Variants in LRRC27 observed in about 807,000 individuals in gnomAD.
LRRC27 encodes the protein leucine rich repeat containing 27, also known as leucine-rich repeat-containing protein 27.
A neutral mutation model predicts 55.0 loss-of-function variants in LRRC27; 57 were observed. The ratio of observed to expected loss-of-function variants is 1.04; its 90% CI spans 0.84 to 1.29. The LOEUF (loss-of-function observed/expected upper bound fraction) is 1.29. LRRC27 is among the 50% of genes most tolerant of loss of function. The probability of loss-of-function intolerance (pLI) is 0.00; values close to 1 mark genes in which losing one functional copy is unlikely to be tolerated. For synonymous variants in LRRC27, 278 were observed against 251.9 expected (o/e 1.10, Z -0.98); for missense variants, 721 against 651.5 (o/e 1.11, Z -1.16).
At chr10:132,360,860 G>C (rs2068581693) in intron 8 of LRRC27, among the ~76,000 whole-genome samples, 1 of 152,180 alleles carries the variant, frequency 6.6e-6, no homozygotes, top group African/African-American at 2.4e-5. Flanking sequence ...ACAGTCCCCG[G>C]GAACACACTG....
intron 1 of LRRC27, among the ~76,000 whole-genome samples, chr10:132,333,024 G>T (rs1193174229): frequency 6.6e-6 from 1 of 152,112 alleles, no homozygotes; most frequent in Non-Finnish European, 1.5e-5. Flanking sequence ...CTGGTCACTG[G>T]GTCAAAATGG....
rs1456483671 is a variant in LRRC27, at chr10:132,376,362, A to C, written c.*1120A>C. 6.6e-6 allele frequency: 1 copy of C among 152,244 alleles called. No homozygotes were observed. The highest frequency in any genetic ancestry group is 1.5e-5 in the Non-Finnish European group (1 of 68,054). 9.4% of individuals were successfully genotyped at this position (152,244 alleles called of 1,614,324 possible). ...AGAGAAATGCATCACTTCCAAACCCATGTATTAGAGAAGAAGGGCGTGAAA... is the reference window on the plus strand; with the variant it reads ...AGAGAAATGCATCACTTCCAAACCCCTGTATTAGAGAAGAAGGGCGTGAAA... On this transcript the variant is annotated 3_prime_UTR_variant, in exon 11 of 11. Transcript: ENST00000368614.
rs1239879420 is a variant in LRRC27 at position 132,377,717 on chromosome 10, A to T, written c.*2475A>T. 1.3e-5 allele frequency: 2 copies of T among 151,984 alleles called. No individual in the cohort carries two copies. Among genetic ancestry groups the T allele is most frequent in the Non-Finnish European group, 2.9e-5 (2 of 68,016 alleles). The allele number at this position is 151,984 out of a possible 1,614,324, so 9.4% of individuals were successfully genotyped here. A position where few individuals can be genotyped will look rare whatever the true frequency, so the allele number is the denominator to read the frequency against. On this transcript the variant is annotated 3_prime_UTR_variant, in exon 11 of 11. Coordinates refer to ENST00000368614, the MANE Select transcript of LRRC27 (RefSeq NM_030626.3). ...TTTTTTTTAAGTATTTCTTTGTATCATGGTTATGCTTTGACTGGCCGTAAG... is the reference window on the plus strand; with the variant it reads ...TTTTTTTTAAGTATTTCTTTGTATCTTGGTTATGCTTTGACTGGCCGTAAG...
At chr10:132,351,447 C>A in intron 6 of LRRC27, 160 bp from the exon 7 acceptor site, 1 of 782,642 alleles carries the variant, frequency 1.3e-6, no homozygotes, top group Non-Finnish European at 2.1e-6. Context: ...CTGAAATCAA[C>A]AGTCAAGACT....
chr10:132,362,200 C>T (rs1296629184), intron 9 of LRRC27, among the ~76,000 whole-genome samples: 1 of 152,128 alleles, frequency 6.6e-6, no homozygotes, highest in Non-Finnish European at 1.5e-5. Flanking sequence ...CAGGGGGCGG[C>T]CAGGCTGCTG....
chr10:132,367,809 G>A (rs141350500), intron 10 of LRRC27, among the ~76,000 whole-genome samples: 3 of 152,328 alleles, frequency 2.0e-5, no homozygotes, highest in African/African-American at 7.2e-5. Flanking sequence ...GCAAGGCAAA[G>A]ATATTCCCTC....
At chr10:132,354,186 G>A (rs947324659) in intron 7 of LRRC27, among the ~76,000 whole-genome samples, 3 of 152,312 alleles carry the variant, frequency 2.0e-5, no homozygotes, top group South Asian at 2.1e-4. Flanking sequence ...CTCGGGCCTC[G>A]TCCCACACCT....
rs963323344 is a variant in LRRC27 at position 132,374,897 on chromosome 10, G to A, written c.1417-169G>A. Among the ~76,000 whole-genome samples, 2 of 152,224 alleles carry A rather than the reference G, an allele frequency of 1.3e-5. No homozygotes were observed. Among genetic ancestry groups the A allele is most frequent in the Non-Finnish European group, 2.9e-5 (2 of 68,028 alleles). On this transcript the variant is annotated intron_variant, in intron 10 of 10. Coordinates refer to ENST00000368614, the MANE Select transcript of LRRC27 (RefSeq NM_030626.3). The surrounding 1 kb of genome is among the most constrained non-coding windows in gnomAD (Gnocchi z 4.4). ...TGGAAGTAGGCTGCTGGGCCCCATT[G>A]CAGGGGGGACCGCGCCGTGATGCGG...
chr10:132,331,200 C>CAAA (rs35734065), upstream of LRRC27, among the ~76,000 whole-genome samples: 177 of 56,306 alleles, frequency 3.1e-3, 5 homozygotes, highest in African/African-American at 9.1e-3. Flanking sequence ...GACTCCACCT[C>CAAA]AAAAAAAAAA....
Position 132,374,984 on chromosome 10 carries a change from C to A in LRRC27, c.1417-82C>A. ...TGACGCCCACATGGCCTGGGCCCCA[C>A]GTGGAATCTGAGCCAGAGACGTGGT... On this transcript the variant is annotated intron_variant, in intron 10 of 10. Coordinates refer to ENST00000368614, the MANE Select transcript of LRRC27 (RefSeq NM_030626.3). This position sits in a 1 kb window ranked among gnomAD's most constrained non-coding sequence, Gnocchi z 4.4. 1.4e-6 allele frequency: 2 copies of A among 1,424,704 alleles called. No homozygotes were observed. The highest frequency in any genetic ancestry group is 2.6e-5 in the South Asian group (2 of 75,676). 88.3% of individuals were successfully genotyped at this position (1,424,704 alleles called of 1,614,324 possible).
chr10:132,356,146 C>A (rs1191546098), intron 8 of LRRC27, among the ~76,000 whole-genome samples: 4 of 152,238 alleles, frequency 2.6e-5, no homozygotes, highest in African/African-American at 9.6e-5. Context: ...CTTCCCACCC[C>A]AGCCTTGAGG....
rs1008671357 is a variant in LRRC27 at position 132,374,963 on chromosome 10, G to C, written c.1417-103G>C. 2.7e-5 allele frequency: 35 copies of C among 1,272,950 alleles called. No homozygotes were observed. The highest frequency in any genetic ancestry group is 3.7e-5 in the Non-Finnish European group (34 of 920,006). 78.9% of individuals were successfully genotyped at this position (1,272,950 alleles called of 1,614,324 possible). A position where few individuals can be genotyped will look rare whatever the true frequency, so the allele number is the denominator to read the frequency against. ...GGGCAGCGGGGCTGGCTCTGCTGACGCCCACATGGCCTGGGCCCCACGTGG... is the reference window on the plus strand; with the variant it reads ...GGGCAGCGGGGCTGGCTCTGCTGACCCCCACATGGCCTGGGCCCCACGTGG... On this transcript the variant is annotated intron_variant, in intron 10 of 10. Coordinates refer to ENST00000368614, the MANE Select transcript of LRRC27 (RefSeq NM_030626.3). This position sits in a 1 kb window ranked among gnomAD's most constrained non-coding sequence, Gnocchi z 4.4.
At chr10:132,364,808 T>TGGGGCCC in intron 9 of LRRC27, among the ~76,000 whole-genome samples, 1 of 120,030 alleles carries the variant, frequency 8.3e-6, no homozygotes, top group African/African-American at 3.7e-5. Flanking sequence ...CCACCCACAC[T>TGGGGCCC]TACACCCACC....
chr10:132,340,732 G>A (rs1354872065), intron 3 of LRRC27, among the ~76,000 whole-genome samples: 5 of 152,040 alleles, frequency 3.3e-5, no homozygotes, highest in South Asian at 2.1e-4. Flanking sequence ...TTGAATGGCC[G>A]AGGTGGGCGG....
At position 132,367,123 on chromosome 10, in the gene LRRC27, T is replaced by C. The variant is rs531406161; in HGVS notation, c.1416+1573T>C. On this transcript the variant is annotated intron_variant, in intron 10 of 10. Coordinates refer to ENST00000368614, the MANE Select transcript of LRRC27 (RefSeq NM_030626.3). Reference sequence around the variant, plus strand: ...GGACACAAAAGTCGATTTGGTATTATGAACAACTCTAGCCACAGATTTGAT... The same window carrying C: ...GGACACAAAAGTCGATTTGGTATTACGAACAACTCTAGCCACAGATTTGAT... 36 of 413,488 alleles carry C rather than the reference T, an allele frequency of 8.7e-5. No homozygotes were observed. The East Asian group carries it at 4.5e-3, about 51-fold the overall frequency. 25.6% of individuals were successfully genotyped at this position (413,488 alleles called of 1,614,324 possible). A position where few individuals can be genotyped will look rare whatever the true frequency, so the allele number is the denominator to read the frequency against.
At position 132,361,491 on chromosome 10, in the gene LRRC27, T is replaced by C; in HGVS notation, c.1205T>C (p.Ile402Thr). 2 of 1,613,838 alleles carry C rather than the reference T, an allele frequency of 1.2e-6. No homozygotes were observed. The highest frequency in any genetic ancestry group is 2.7e-5 in the African/African-American group (2 of 75,040). ...AAGATTCCCTCTGCCACAGATCTGA[T>C]AGATAACAGGAAAGTACCACTGAAT... The part of the protein sequence containing the change: ...ASKIPSATDL[I>T]DNRKVPLNPP... The change falls in exon 9 of 11, where the codon ATA becomes ACA. Residue 402 changes from isoleucine to threonine, a missense_variant. Coordinates refer to ENST00000368614, the MANE Select transcript of LRRC27 (RefSeq NM_030626.3).
chr10:132,337,632 T>A lies in LRRC27; in HGVS notation c.278T>A (p.Leu93Gln). 1 of 1,614,242 alleles carries A rather than the reference T, an allele frequency of 6.2e-7. No individual in the cohort carries two copies. Among genetic ancestry groups the A allele is most frequent in the Non-Finnish European group, 8.5e-7 (1 of 1,180,038 alleles). The change falls in exon 3 of 11, where the codon CTG becomes CAG. Residue 93 changes from leucine to glutamine, a missense_variant. Coordinates refer to ENST00000368614, the MANE Select transcript of LRRC27 (RefSeq NM_030626.3). ...PQDFFQLLPN[L>Q]TWLDLRYNRI... ...GATTTCTTTCAGTTGCTTCCGAACC[T>A]GACTTGGCTGGACCTCCGGTACAAT...
At chr10:132,367,451 G>A (rs2069125016) in intron 10 of LRRC27, among the ~76,000 whole-genome samples, 1 of 152,170 alleles carries the variant, frequency 6.6e-6, no homozygotes, top group African/African-American at 2.4e-5. Context: ...TTACAAGAAA[G>A]GAAAAGTGTA....
intron 9 of LRRC27, 41 bp from the exon 10 acceptor site, chr10:132,365,383 A>G (rs377230645): frequency 7.5e-6 from 12 of 1,609,824 alleles, no homozygotes; most frequent in Non-Finnish European, 1.0e-5. Flanking sequence ...GATGAGAGTA[A>G]ATGTGTCAAG....
Sources: allele counts gnomAD v4.1 joint callset (sites outside exome capture counted in the v4.1 genomes callset), GRCh38; gene constraint gnomAD v4.1.1; non-coding constraint Gnocchi (gnomAD v3.1); transcripts MANE v1.5; gene names NCBI Gene and HGNC (gene_info 2026-07-23, HGNC 2026-07-21).